Variants in WDR3 observed in about 807,000 individuals in gnomAD.
WDR3 encodes the protein WD repeat domain 3, also known as WD repeat-containing protein 3.
WDR3 carries 81 observed loss-of-function variants against 123.7 expected under a neutral mutation model. That is an observed-to-expected ratio of 0.65 (90% CI 0.55 to 0.79). The LOEUF is 0.79. Among genes scored for constraint, WDR3 ranks in the 30% least tolerant of loss-of-function variants. The probability of loss-of-function intolerance (pLI) is 0.00; values close to 1 mark genes in which losing one functional copy is unlikely to be tolerated. For synonymous variants in WDR3, 390 were observed against 388.8 expected, an observed-to-expected ratio of 1.00 and a Z score of -0.04; for missense variants, 1,027 against 1,123.2, an observed-to-expected ratio of 0.91 and a Z score of 1.22.
chr1:117,942,479 T>C lies in WDR3; in HGVS notation c.1032T>C (p.Asn344=), dbSNP rs1651204888. 1.9e-6 allele frequency: 3 copies of C among 1,613,946 alleles called. No individual in the cohort carries two copies. The highest frequency in any genetic ancestry group is 2.7e-5 in the African/African-American group (2 of 74,928). Residue 344 remains asparagine, a synonymous_variant, in exon 10 of 27, where the codon AAT becomes AAC. Coordinates refer to ENST00000349139, the MANE Select transcript of WDR3 (RefSeq NM_006784.3). ...SKGEEEDPEV[N]VEMSLQDEIQ... ...GAGAGGAGGAAGATCCTGAGGTTAATGTTGAAATGAGTCTGCAAGATGAAA... is the reference window on the plus strand; with the variant it reads ...GAGAGGAGGAAGATCCTGAGGTTAACGTTGAAATGAGTCTGCAAGATGAAA...
At chr1:117,933,563 G>T (rs1348637047) in intron 2 of WDR3, 73 bp downstream of exon 2, 82 of 1,584,304 alleles carry the variant, frequency 5.2e-5, no homozygotes, top group Non-Finnish European at 7.0e-5. Flanking sequence ...AAGTGGGGGG[G>T]CTCTGATTTA....
intron 16 of WDR3, among the ~76,000 whole-genome samples, chr1:117,951,624 C>T (rs1410375902): frequency 1.3e-5 from 2 of 151,538 alleles, no homozygotes; most frequent in African/African-American, 2.4e-5. Context: ...GAGTCTTTCT[C>T]AGCTTCTCTT....
rs774319821 is a variant in WDR3, at chr1:117,951,982, G to A, written c.1810G>A (p.Ala604Thr). The A allele has an allele frequency of 6.2e-7, 1 of 1,612,588 alleles. No individual in the cohort carries two copies. ...VICMDISHDGALIATGSADRN... is the reference protein window; with the variant it reads ...VICMDISHDGTLIATGSADRN... ...TTACTTTTATTTCTCATAGGATGGA[G>A]CACTCATAGCAACTGGCTCCGCTGA... The change falls in exon 17 of 27, where the codon GCA (alanine) becomes ACA (threonine). Residue 604 changes from alanine to threonine, a missense_variant. Transcript: ENST00000349139.
At chr1:117,946,795 G>C (rs1651416065) in intron 12 of WDR3, among the ~76,000 whole-genome samples, 1 of 151,964 alleles carries the variant, frequency 6.6e-6, no homozygotes, top group Non-Finnish European at 1.5e-5. Context: ...CAAAAAATTA[G>C]GTGGGTGTGG....
At position 117,963,207 on chromosome 1, in the gene WDR3, G is replaced by A. The variant is rs1320784060; in HGVS notation, c.*3760G>A. 3.3e-5 allele frequency: 5 copies of A among 152,102 alleles called. No homozygotes were observed. The allele number at this position is 152,102 out of a possible 1,614,324, so 9.4% of individuals were successfully genotyped here. A position where few individuals can be genotyped will look rare whatever the true frequency, so the allele number is the denominator to read the frequency against. Reference sequence around the variant, plus strand: ...TCCCTTCCCCTTGAGTATGGGGTCGGACCTAGTGACTGGCTTCTAGTGAAC... The same window carrying A: ...TCCCTTCCCCTTGAGTATGGGGTCGAACCTAGTGACTGGCTTCTAGTGAAC... On this transcript the variant is annotated 3_prime_UTR_variant, in exon 27 of 27. Coordinates refer to ENST00000349139, the MANE Select transcript of WDR3 (RefSeq NM_006784.3).
Position 117,963,068 on chromosome 1 carries a change from C to A in WDR3, c.*3621C>A, listed in dbSNP as rs539298176. 4.6e-5 allele frequency: 7 copies of A among 152,284 alleles called. No homozygotes were observed. Among genetic ancestry groups the A allele is most frequent in the African/African-American group, 1.7e-4 (7 of 41,546 alleles). The allele number at this position is 152,284 out of a possible 1,614,324, so 9.4% of individuals were successfully genotyped here. A position where few individuals can be genotyped will look rare whatever the true frequency, so the allele number is the denominator to read the frequency against. Reference sequence around the variant, plus strand: ...ATATTCAAGTCCTTTCTCTTTATTTCTGAGGTTTTTGGGATCCAAGCAGCC... The same window carrying A: ...ATATTCAAGTCCTTTCTCTTTATTTATGAGGTTTTTGGGATCCAAGCAGCC... On this transcript the variant is annotated 3_prime_UTR_variant, in exon 27 of 27. Transcript: ENST00000349139.
rs1244174451 is a variant in WDR3, at chr1:117,960,870, ATAGTC to A, written c.*1428_*1432del. 3.9e-5 allele frequency: 6 copies of A among 152,240 alleles called. No individual in the cohort carries two copies. Among genetic ancestry groups the A allele is most frequent in the Non-Finnish European group, 8.8e-5 (6 of 68,042 alleles). 9.4% of individuals were successfully genotyped at this position (152,240 alleles called of 1,614,324 possible). A position where few individuals can be genotyped will look rare whatever the true frequency, so the allele number is the denominator to read the frequency against. ...GTATTTTATGGCAGTAAATGATAAA[ATAGTC>A]TAGTATCTACATATATTTTGTGCAT... is the stretch of plus-strand genomic sequence containing the variant. On this transcript the variant is annotated 3_prime_UTR_variant, in exon 27 of 27. Transcript: ENST00000349139.
Position 117,961,255 on chromosome 1 carries a change from G to C in WDR3, c.*1808G>C, listed in dbSNP as rs963385812. On this transcript the variant is annotated 3_prime_UTR_variant, in exon 27 of 27. Transcript: ENST00000349139. The stretch of plus-strand genomic sequence containing the variant: ...CCAAGACAGTGCCACCAGCATTCCA[G>C]CCTGGGCAACACAGTGAGACTCCAT... 6.6e-6 allele frequency: 1 copy of C among 152,200 alleles called. No individual in the cohort carries two copies. The highest frequency in any genetic ancestry group is 2.4e-5 in the African/African-American group (1 of 41,460). 9.4% of individuals were successfully genotyped at this position (152,200 alleles called of 1,614,324 possible).
At chr1:117,947,227 G>A (rs983212874) in intron 12 of WDR3, among the ~76,000 whole-genome samples, 3 of 152,170 alleles carry the variant, frequency 2.0e-5, no homozygotes, top group Non-Finnish European at 4.4e-5. Context: ...AATAGAGCTG[G>A]TAGCAGACAT....
At chr1:117,932,690 A>G (rs1650777092) in intron 1 of WDR3, among the ~76,000 whole-genome samples, 1 of 152,212 alleles carries the variant, frequency 6.6e-6, no homozygotes, top group African/African-American at 2.4e-5. Context: ...TAATGGGCAG[A>G]AGTAAATCAG....
intron 2 of WDR3, 33 bp downstream of exon 2, chr1:117,933,523 T>C: frequency 6.2e-7 from 1 of 1,612,654 alleles, no homozygotes; most frequent in Non-Finnish European, 8.5e-7. Context: ...GATACTGATT[T>C]ATTGGTATTT....
chr1:117,955,449 T>C, intron 24 of WDR3, 91 bp downstream of exon 24: 3 of 1,229,382 alleles, frequency 2.4e-6, no homozygotes, highest in Non-Finnish European at 3.5e-6. Context: ...AAATTATAAT[T>C]GATGGTTATC....
At chr1:117,954,750 T>A in intron 23 of WDR3, 123 bp downstream of exon 23, 2 of 1,022,506 alleles carry the variant, frequency 2.0e-6, no homozygotes, top group Non-Finnish European at 2.9e-6. Flanking sequence ...TTCAAAAGTC[T>A]CTTTTGAATC....
In WDR3 at chr1:117,954,060, G is replaced by A. The variant is rs760694533; in HGVS notation, c.2322G>A (p.Met774Ile). 1 of 1,612,514 alleles carries A rather than the reference G, an allele frequency of 6.2e-7. No individual in the cohort carries two copies. Among genetic ancestry groups the A allele is most frequent in the Non-Finnish European group, 8.5e-7 (1 of 1,178,912 alleles). ...TGTACCGAGAAGAAACTGCAAAAAT[G>A]AAGGAACACAAAGCCATTTGTAAAG... The part of the protein sequence containing the change: ...IELYREETAK[M>I]KEHKAICKAA... Residue 774 changes from methionine to isoleucine, a missense_variant, in exon 22 of 27, where the codon ATG (methionine) becomes ATA (isoleucine). Transcript: ENST00000349139.
chr1:117,932,743 G>T (rs1650778603), intron 1 of WDR3, among the ~76,000 whole-genome samples: 1 of 152,016 alleles, frequency 6.6e-6, no homozygotes, highest in Non-Finnish European at 1.5e-5. Flanking sequence ...GCATGAGGTG[G>T]GCATGACAAC....
chr1:117,943,437 C>CTG lies in WDR3; in HGVS notation c.1141_1142dup (p.Phe382SerfsTer14). ...CATTCACCTCACGGAGAGTTAAAGG[C>CTG]TGTCTTCCTGCTGCAGAACAACCTG... On this transcript the variant is annotated frameshift_variant, in exon 11 of 27. Coordinates refer to ENST00000349139, the MANE Select transcript of WDR3 (RefSeq NM_006784.3). LOFTEE classifies it high-confidence loss of function. The CTG allele has an allele frequency of 2.5e-6, 4 of 1,614,086 alleles. No individual in the cohort carries two copies.
chr1:117,952,633 C>A lies in WDR3; in HGVS notation c.2122C>A (p.Pro708Thr). ...GAGACTTTGGGAGAGAACAAGGGAG[C>A]CTCTTATTCTTGAGGAAGAAAGGGA... ...SLRLWERTRE[P>T]LILEEEREME... The change falls in exon 19 of 27, where the codon CCT (proline) becomes ACT (threonine). Residue 708 changes from proline to threonine, a missense_variant. Physicochemically the swap from Pro to Thr is conservative, Grantham distance 38. Transcript: ENST00000349139. 3 of 1,613,196 alleles carry A rather than the reference C, an allele frequency of 1.9e-6. No homozygotes were observed. The highest frequency in any genetic ancestry group is 2.5e-6 in the Non-Finnish European group (3 of 1,179,472).
In WDR3 at chr1:117,938,014, A is replaced by G. The variant is rs556025032; in HGVS notation, c.501-466A>G. 2.0e-5 allele frequency among the ~76,000 whole-genome samples: 3 copies of G among 152,306 alleles called. No homozygotes were observed. The South Asian group carries it at 6.2e-4, about 32-fold the overall frequency. Reference sequence around the variant, plus strand: ...AAGCTGTTAAAATAATCCAGGTAGTAGGACTTAAGTTCAGGTTAGTGTACA... The same window carrying G: ...AAGCTGTTAAAATAATCCAGGTAGTGGGACTTAAGTTCAGGTTAGTGTACA... On this transcript the variant is annotated intron_variant, in intron 4 of 26. Coordinates refer to ENST00000349139, the MANE Select transcript of WDR3 (RefSeq NM_006784.3).
At chr1:117,932,911 T>C (rs181157240) in intron 1 of WDR3, among the ~76,000 whole-genome samples, 2 of 152,004 alleles carry the variant, frequency 1.3e-5, no homozygotes. Flanking sequence ...ACAGTTGGTG[T>C]TGTTCTGGCG....
Sources: allele counts gnomAD v4.1 joint callset (sites outside exome capture counted in the v4.1 genomes callset), GRCh38; gene constraint gnomAD v4.1.1; transcripts MANE v1.5; gene names NCBI Gene and HGNC (gene_info 2026-07-23, HGNC 2026-07-21).